LAMB2: variants seen among roughly 807,000 people sequenced by gnomAD.
LAMB2 encodes laminin subunit beta 2.
LAMB2 carries 119 observed loss-of-function variants against 202.7 expected under a neutral mutation model. The observed-to-expected ratio is 0.59, with a 90% CI of 0.51 to 0.68. The LOEUF is 0.68. Ranked by LOEUF, LAMB2 falls within the 30% of genes least tolerant of loss-of-function variation. LAMB2 has a pLI of 0.00. For missense variants in LAMB2, 2,124 were observed against 2,410.6 expected (o/e 0.88, Z 2.49); for synonymous variants, 818 against 902.2 (o/e 0.91, Z 1.67).
chr3:49,129,393 C>A lies in LAMB2; in HGVS notation c.1519-69G>T. On this transcript the variant is annotated intron_variant, in intron 11 of 31. Transcript: ENST00000305544. This position sits in a 1 kb window ranked among gnomAD's most constrained non-coding sequence, Gnocchi z 6.1. Reference sequence around the variant, plus strand: ...CCCCATCACCACCCAGCAGGAAATCCCAACCACACGTCTTAGCCTCAATCA... The same window carrying A: ...CCCCATCACCACCCAGCAGGAAATCACAACCACACGTCTTAGCCTCAATCA... 7.2e-7 allele frequency: 1 copy of A among 1,394,106 alleles called. No homozygotes were observed. Among genetic ancestry groups the A allele is most frequent in the Non-Finnish European group, 1.0e-6 (1 of 992,606 alleles). The allele number at this position is 1,394,106 out of a possible 1,614,324, so 86.4% of individuals were successfully genotyped here. A position where few individuals can be genotyped will look rare whatever the true frequency, so the allele number is the denominator to read the frequency against.
chr3:49,121,343 C>G lies in LAMB2; in HGVS notation c.5280G>C (p.Glu1760Asp). ...QRLQELEGTY[E>D]ENERALESKA... ...TACTCTCCAGTGCCCGCTCATTTTC[C>G]TCATAGGTGCCTTCCAATTCTAGGA... The change falls in exon 32 of 32, where the codon GAG (glutamate) becomes GAC (aspartate). Residue 1760 changes from glutamate to aspartate, a missense_variant. Glu to Asp is a conservative substitution (Grantham distance 45). This residue lies in a region of LAMB2 where 1,702 missense variants were observed against 1,896.3 expected (regional missense o/e 0.90). Transcript: ENST00000305544. 6.2e-7 allele frequency: 1 copy of G among 1,613,966 alleles called. No individual in the cohort carries two copies. Among genetic ancestry groups the G allele is most frequent in the Non-Finnish European group, 8.5e-7 (1 of 1,179,980 alleles).
chr3:49,132,712 C>G lies in LAMB2; in HGVS notation c.77-49G>C. 1 of 1,613,908 alleles carries G rather than the reference C, an allele frequency of 6.2e-7. No homozygotes were observed. Among genetic ancestry groups the G allele is most frequent in the Non-Finnish European group, 8.5e-7 (1 of 1,179,782 alleles). The stretch of plus-strand genomic sequence containing the variant: ...TCCGCTGAGTTCCTATCCAGTGGCT[C>G]CACCTCATGTGCCCCAAGGGCAACT... On this transcript the variant is annotated intron_variant, in intron 1 of 31. Transcript: ENST00000305544. The surrounding 1 kb of genome is among the most constrained non-coding windows in gnomAD (Gnocchi z 4.6).
chr3:49,125,909 G>C lies in LAMB2; in HGVS notation c.2345-19C>G. ...TGACATGCTGTGGGGAGGAGGGTTG[G>C]GCCAAGTCAGGCTGGGTCCCCACCT... On this transcript the variant is annotated intron_variant, in intron 17 of 31. Transcript: ENST00000305544. 6.2e-7 allele frequency: 1 copy of C among 1,614,090 alleles called. No homozygotes were observed. Among genetic ancestry groups the C allele is most frequent in the Non-Finnish European group, 8.5e-7 (1 of 1,180,008 alleles).
rs748018295 is a variant in LAMB2, at chr3:49,125,272, C to A, written c.2701G>T (p.Gly901Trp). 9.3e-6 allele frequency: 15 copies of A among 1,613,798 alleles called. No individual in the cohort carries two copies. The highest frequency in any genetic ancestry group is 1.2e-5 in the Non-Finnish European group (14 of 1,179,976). The change falls in exon 19 of 32, where the codon GGG (glycine) becomes TGG (tryptophan). Residue 901 changes from glycine (G) to tryptophan (W), a missense_variant. Around this residue, in one of 3 missense-constraint regions of LAMB2, gnomAD observed 1,702 missense variants for 1,896.3 expected, o/e 0.90. Transcript: ENST00000305544. ...TCTCACCTTTCACAGTGCTCACCCCCTGTGTGATCACGGCAGCCCAGGCAA... is the reference window on the plus strand; with the variant it reads ...TCTCACCTTTCACAGTGCTCACCCCATGTGTGATCACGGCAGCCCAGGCAA... ...GACLGCRDHT[G>W]GEHCERCIAG...
rs753547303 is a variant in LAMB2 at position 49,126,041 on chromosome 3, C to T, written c.2270G>A (p.Ser757Asn). The T allele has an allele frequency of 6.2e-7, 1 of 1,614,162 alleles. No individual in the cohort carries two copies. The highest frequency in any genetic ancestry group is 1.1e-5 in the South Asian group (1 of 91,082). Residue 757 changes from serine (S) to asparagine (N), a missense_variant, in exon 17 of 32, where the codon AGC becomes AAC. By Grantham distance (46) the Ser-to-Asn change is conservative. This residue lies in a region of LAMB2 where 1,702 missense variants were observed against 1,896.3 expected (regional missense o/e 0.90). Transcript: ENST00000305544. ...GCAGGCCTCAGAGGGAGAAGTCTTGCTGGGCACCAGACCCTCCTCATGGCA... is the reference window on the plus strand; with the variant it reads ...GCAGGCCTCAGAGGGAGAAGTCTTGTTGGGCACCAGACCCTCCTCATGGCA... ...YQCHEEGLVPSKTSPSEACAP... is the reference protein window; with the variant it reads ...YQCHEEGLVPNKTSPSEACAP...
chr3:49,128,156 CCACCA>C (rs2045441267), intron 15 of LAMB2, among the ~76,000 whole-genome samples: 1 of 152,138 alleles, frequency 6.6e-6, no homozygotes, highest in African/African-American at 2.4e-5. Flanking sequence ...TGCCACAACC[CCACCA>C]CTACCACCCT....
In LAMB2 at chr3:49,122,725, T is replaced by C; in HGVS notation, c.4552A>G (p.Ser1518Gly). Residue 1518 changes from serine to glycine, a missense_variant, in exon 27 of 32, where the codon AGT (serine) becomes GGT (glycine). Transcript: ENST00000305544. Reference sequence around the variant, plus strand: ...TCACGGTTGAGGAAGTCCTTCACACTCTGGATAAGTTCTTGAAGTTCCTGG... The same window carrying C: ...TCACGGTTGAGGAAGTCCTTCACACCCTGGATAAGTTCTTGAAGTTCCTGG... ...ANQELQELIQ[S>G]VKDFLNQEGA... 1 of 1,614,084 alleles carries C rather than the reference T, an allele frequency of 6.2e-7. No homozygotes were observed. The highest frequency in any genetic ancestry group is 8.5e-7 in the Non-Finnish European group (1 of 1,179,966).
At position 49,131,185 on chromosome 3, in the gene LAMB2, G is replaced by T; in HGVS notation, c.713-33C>A. 6.9e-6 allele frequency: 11 copies of T among 1,600,836 alleles called. No homozygotes were observed. The highest frequency in any genetic ancestry group is 9.4e-6 in the Non-Finnish European group (11 of 1,170,092). ...GGGGGAAGGGGGGCCAACTGACCAG[G>T]CAGGCCCTTGCTGCCCCATGTCCAC... On this transcript the variant is annotated intron_variant, in intron 6 of 31. Coordinates refer to ENST00000305544, the MANE Select transcript of LAMB2 (RefSeq NM_002292.4). This position sits in a 1 kb window ranked among gnomAD's most constrained non-coding sequence, Gnocchi z 5.0.
Position 49,123,352 on chromosome 3 carries a change from T to C in LAMB2, c.4004A>G (p.His1335Arg), listed in dbSNP as rs775944984. ...NFLGAYDSIR[H>R]AHSQSAEAER... ...TGCCTCTGCAGACTGGCTATGGGCA[T>C]GCCGGATGCTGTCATAGGCACCTAA... The change falls in exon 26 of 32, where the codon CAT becomes CGT. Residue 1335 changes from histidine to arginine, a missense_variant. By Grantham distance (29) the His-to-Arg change is conservative. This residue lies in a region of LAMB2 where 1,702 missense variants were observed against 1,896.3 expected (regional missense o/e 0.90). Coordinates refer to ENST00000305544, the MANE Select transcript of LAMB2 (RefSeq NM_002292.4). 3.1e-6 allele frequency: 5 copies of C among 1,614,020 alleles called. No homozygotes were observed. Among genetic ancestry groups the C allele is most frequent in the Non-Finnish European group, 4.2e-6 (5 of 1,179,996 alleles).
rs199744456 is a variant in LAMB2 at position 49,126,319 on chromosome 3, C to T, written c.2151+46G>A. ...CTGCTATCCCTCAAGTCCCACACCA[C>T]GGGCCCTGCCATCTTGGTTGGTGTG... On this transcript the variant is annotated intron_variant, in intron 16 of 31. Coordinates refer to ENST00000305544, the MANE Select transcript of LAMB2 (RefSeq NM_002292.4). The T allele has an allele frequency of 2.4e-5, 39 of 1,613,756 alleles. 1 individual carries two copies. Among genetic ancestry groups the T allele is most frequent in the East Asian group, 1.3e-4 (6 of 44,884 alleles).
At position 49,123,514 on chromosome 3, in the gene LAMB2, A is replaced by G. The variant is rs1267445842; in HGVS notation, c.3915T>C (p.Leu1305=). The change falls in exon 25 of 32, where the codon CTT becomes CTC. Residue 1305 remains leucine (L), a synonymous_variant. Coordinates refer to ENST00000305544, the MANE Select transcript of LAMB2 (RefSeq NM_002292.4). ...HALSGLERDR[L]ALNLTLRQLD... ...GCTGCCGCAGTGTGAGATTAAGTGC[A>G]AGCCTATCTCGCTCCAGACCACTTA... 3 of 1,614,102 alleles carry G rather than the reference A, an allele frequency of 1.9e-6. No homozygotes were observed. Among genetic ancestry groups the G allele is most frequent in the Non-Finnish European group, 2.5e-6 (3 of 1,180,048 alleles).
chr3:49,126,630 G>A, intron 15 of LAMB2, 133 bp from the exon 16 acceptor site: 1 of 1,111,094 alleles, frequency 9.0e-7, no homozygotes, highest in Non-Finnish European at 1.3e-6. Context: ...GCGTTGGGCT[G>A]CGCTAGGCCA....
chr3:49,127,781 G>A (rs1313136724), intron 15 of LAMB2, among the ~76,000 whole-genome samples: 3 of 151,562 alleles, frequency 2.0e-5, no homozygotes, highest in Admixed American at 6.6e-5. Context: ...AACACTTTGG[G>A]AGGCCAAGGC....
In LAMB2 at chr3:49,132,349, G is replaced by A. The variant is rs79448908; in HGVS notation, c.306C>T (p.Asn102=). The stretch of plus-strand genomic sequence containing the variant: ...CATTCTGGATGCGATGGCTGTGTGG[G>A]TTGTCTCTAGCAGAGAAGGGGCGCC... ...DSRRPFSARD[N]PHSHRIQNVV... is the part of the protein sequence containing the mutation. The change falls in exon 3 of 32, where the codon AAC becomes AAT. Residue 102 remains asparagine (N), a synonymous_variant. Coordinates refer to ENST00000305544, the MANE Select transcript of LAMB2 (RefSeq NM_002292.4). This position sits in a 1 kb window ranked among gnomAD's most constrained non-coding sequence, Gnocchi z 4.6. 40,880 of 1,614,224 alleles carry A rather than the reference G, an allele frequency of 0.025. 626 individuals carry two copies. Among genetic ancestry groups the A allele is most frequent in the Middle Eastern group, 0.049 (296 of 6,062 alleles).
At position 49,130,186 on chromosome 3, in the gene LAMB2, G is replaced by GC; in HGVS notation, c.1225+44dup. 6.2e-7 allele frequency: 1 copy of GC among 1,608,262 alleles called. No homozygotes were observed. The highest frequency in any genetic ancestry group is 2.2e-5 in the East Asian group (1 of 44,644). ...ACAGCAGTCCAGCTCTCTAGTTCCT[G>GC]CCCCAGGCTCAGCTTTCTCTCCCCG... On this transcript the variant is annotated intron_variant, in intron 9 of 31. Transcript: ENST00000305544. The surrounding 1 kb of genome is among the most constrained non-coding windows in gnomAD (Gnocchi z 5.0).
rs779353027 is a variant in LAMB2, at chr3:49,128,813, C to G, written c.1738G>C (p.Asp580His). Residue 580 changes from aspartate to histidine, a missense_variant, in exon 14 of 32, where the codon GAT (aspartate) becomes CAT (histidine). By Grantham distance (81) the Asp-to-His change is moderately conservative. Around this residue, in one of 3 missense-constraint regions of LAMB2, gnomAD observed 1,702 missense variants for 1,896.3 expected, o/e 0.90. Coordinates refer to ENST00000305544, the MANE Select transcript of LAMB2 (RefSeq NM_002292.4). ...EAEDTRGQVL[D>H]VVERLVTPGE... ...GGGGTCACCAGGCGCTCCACCACAT[C>G]GAGCACCTGGGAGATAATGCAGCCA... The G allele has an allele frequency of 6.2e-7, 1 of 1,612,704 alleles. No individual in the cohort carries two copies. Among genetic ancestry groups the G allele is most frequent in the Non-Finnish European group, 8.5e-7 (1 of 1,179,104 alleles).
rs199628846 is a variant in LAMB2 at position 49,131,160 on chromosome 3, G to A, written c.713-8C>T. 31 of 1,612,690 alleles carry A rather than the reference G, an allele frequency of 1.9e-5. No homozygotes were observed. In the Admixed American group the frequency reaches 3.5e-4, roughly 18 times the overall value. On this transcript the variant is annotated splice_polypyrimidine_tract_variant and splice_region_variant and intron_variant, in intron 6 of 31. Transcript: ENST00000305544. This position sits in a 1 kb window ranked among gnomAD's most constrained non-coding sequence, Gnocchi z 5.0. Reference sequence around the variant, plus strand: ...TGGTGATCTTCAACAGGTCTGAGGCGGGGGAAGGGGGGCCAACTGACCAGG... The same window carrying A: ...TGGTGATCTTCAACAGGTCTGAGGCAGGGGAAGGGGGGCCAACTGACCAGG...
chr3:49,124,394 C>A lies in LAMB2; in HGVS notation c.3327+1G>T. 6.2e-7 allele frequency: 1 copy of A among 1,613,554 alleles called. No homozygotes were observed. Among genetic ancestry groups the A allele is most frequent in the Non-Finnish European group, 8.5e-7 (1 of 1,179,794 alleles). ...CAGGGATCTGCAGGAGGGTCCCATACCTCGTTGCAGGTGGGGCCTCTGGCC... is the reference window on the plus strand; with the variant it reads ...CAGGGATCTGCAGGAGGGTCCCATAACTCGTTGCAGGTGGGGCCTCTGGCC... On this transcript the variant is annotated splice_donor_variant, in intron 22 of 31. Transcript: ENST00000305544. LOFTEE classifies it high-confidence loss of function.
rs765538426 is a variant in LAMB2, at chr3:49,132,537, C to T, written c.203G>A (p.Cys68Tyr). Residue 68 changes from cysteine (C) to tyrosine (Y), a missense_variant, in exon 2 of 32, where the codon TGT becomes TAT. This residue lies in a region of LAMB2 where 166 missense variants were observed against 158.2 expected (regional missense o/e 1.05). Coordinates refer to ENST00000305544, the MANE Select transcript of LAMB2 (RefSeq NM_002292.4). This position sits in a 1 kb window ranked among gnomAD's most constrained non-coding sequence, Gnocchi z 4.6. ...RADRLTASSTCGLNGPQPYCI... is the reference protein window; with the variant it reads ...RADRLTASSTYGLNGPQPYCI... ...GTAGGGCTGGGGGCCATTCAGGCCA[C>T]AAGTGGATGAGGCAGTCAGTCTGTC... The T allele has an allele frequency of 6.2e-7, 1 of 1,613,760 alleles. No individual in the cohort carries two copies. Among genetic ancestry groups the T allele is most frequent in the Non-Finnish European group, 8.5e-7 (1 of 1,180,038 alleles).
Sources: gnomAD v4.1 joint callset for allele counts (sites outside exome capture counted in the v4.1 genomes callset) on GRCh38, gnomAD v4.1.1 for gene constraint, gnomAD v4.1.1 regional missense constraint, Gnocchi (gnomAD v3.1) non-coding constraint, MANE v1.5 for transcripts, NCBI Gene and HGNC (gene_info 2026-07-23, HGNC 2026-07-21) for gene names.